DERL1: variants seen among roughly 807,000 people sequenced by gnomAD.
DERL1 encodes derlin-1.
Under a neutral mutation model 41.6 loss-of-function variants are expected in DERL1, and 24 were observed. That is an observed-to-expected ratio of 0.58 (90% CI 0.42 to 0.81). The LOEUF is 0.81. DERL1 is among the 30% of genes least tolerant of loss of function. The pLI, the probability that DERL1 is intolerant of heterozygous loss-of-function variation, is 0.00. For missense variants in DERL1, 260 were observed against 314.3 expected, an observed-to-expected ratio of 0.83 and a Z score of 1.31; for synonymous variants, 124 against 112.5, an observed-to-expected ratio of 1.10 and a Z score of -0.65.
Position 123,042,184 on chromosome 8 carries a change from C to T in DERL1, c.-62G>A. 6.6e-7 allele frequency: 1 copy of T among 1,505,926 alleles called. No individual in the cohort carries two copies. The highest frequency in any genetic ancestry group is 2.0e-5 in the Admixed American group (1 of 49,682). The allele number at this position is 1,505,926 out of a possible 1,614,324, so 93.3% of individuals were successfully genotyped here. The stretch of plus-strand genomic sequence containing the variant: ...CCGACTCCCCGTGCCGACCCCCTCA[C>T]GACGCGGCCGGCTCCGCGACTGTTA... On this transcript the variant is annotated 5_prime_UTR_variant, in exon 1 of 8. In the 5' UTR this introduces an upstream ATG that the reference lacks. Coordinates refer to ENST00000259512, the MANE Select transcript of DERL1 (RefSeq NM_024295.6).
chr8:123,042,041 C>T lies in DERL1; in HGVS notation c.82G>A (p.Val28Ile), dbSNP rs764350174. The T allele has an allele frequency of 6.2e-7, 1 of 1,613,954 alleles. No individual in the cohort carries two copies. The highest frequency in any genetic ancestry group is 8.5e-7 in the Non-Finnish European group (1 of 1,179,914). ...GGGCTGATGAGGCCGAGTTTGCCGA[C>T]CAAGGGCACGGCGACGGTGGCGGCG... The part of the protein sequence containing the change: ...WFAATVAVPL[V>I]GKLGLISPAY... Residue 28 changes from valine to isoleucine, a missense_variant, in exon 1 of 8, where the codon GTC becomes ATC. Transcript: ENST00000259512.
chr8:123,033,052 G>A (rs938463790), intron 1 of DERL1, among the ~76,000 whole-genome samples: 15 of 151,320 alleles, frequency 9.9e-5, no homozygotes, highest in African/African-American at 2.9e-4. Flanking sequence ...TTTTTGAGAC[G>A]GGCTCTTCCT....
chr8:123,035,751 C>T (rs919481244), intron 1 of DERL1, among the ~76,000 whole-genome samples: 2 of 152,192 alleles, frequency 1.3e-5, no homozygotes, highest in Non-Finnish European at 2.9e-5. Flanking sequence ...GACATTGTTC[C>T]TCAGTTATTA....
chr8:123,027,475 T>C (rs1268202204), intron 2 of DERL1, among the ~76,000 whole-genome samples: 2 of 152,028 alleles, frequency 1.3e-5, no homozygotes, highest in East Asian at 3.9e-4. Flanking sequence ...AACCAATGAA[T>C]TGTGTATACT....
chr8:123,031,981 G>A (rs1812825631), intron 1 of DERL1, among the ~76,000 whole-genome samples: 1 of 152,092 alleles, frequency 6.6e-6, no homozygotes, highest in Admixed American at 6.5e-5. Context: ...AAAAGTAGAT[G>A]AATCCTGTCT....
chr8:123,024,672 G>A (rs550132097), intron 3 of DERL1, among the ~76,000 whole-genome samples: 2 of 152,172 alleles, frequency 1.3e-5, no homozygotes, highest in African/African-American at 4.8e-5. Context: ...CTCATGGCAC[G>A]GACTCTCTTT....
intron 7 of DERL1, chr8:123,016,849 G>GT (rs144597674): frequency 0.11 from 16,006 of 150,702 alleles, 871 homozygotes; most frequent in Middle Eastern, 0.14. Context: ...TTGTTTTTTT[G>GT]TTTTTTTTTG....
chr8:123,022,506 C>T (rs573586106), intron 5 of DERL1, among the ~76,000 whole-genome samples, 178 bp downstream of exon 5: 7 of 152,076 alleles, frequency 4.6e-5, no homozygotes, highest in Non-Finnish European at 4.4e-5. Context: ...AGGCCAGCAA[C>T]GGACTCCAGG....
At position 123,015,581 on chromosome 8, in the gene DERL1, G is replaced by T. The variant is rs765021552; in HGVS notation, c.622C>A (p.Arg208Ser). ...CCTCCTCTCCTACTGGGCAGCCAGCGGTACCTGGTGCAGAAAGACGGGGAC... is the reference window on the plus strand; with the variant it reads ...CCTCCTCTCCTACTGGGCAGCCAGCTGTACCTGGTGCAGAAAGACGGGGAC... ...NFLSTPQFLY[R>S]WLPSRRGGVS... Residue 208 changes from arginine to serine, a missense_variant, in exon 8 of 8, where the codon CGC becomes AGC. Physicochemically the swap from Arg to Ser is moderately radical, Grantham distance 110. Coordinates refer to ENST00000259512, the MANE Select transcript of DERL1 (RefSeq NM_024295.6). The T allele has an allele frequency of 6.2e-7, 1 of 1,607,882 alleles. No individual in the cohort carries two copies.
rs941377645 is a variant in DERL1 at position 123,023,869 on chromosome 8, G to A, written c.331-130C>T. On this transcript the variant is annotated intron_variant, in intron 3 of 7. Coordinates refer to ENST00000259512, the MANE Select transcript of DERL1 (RefSeq NM_024295.6). ...AATTTGGCTCATGCTTGTAATCTCT[G>A]TACTTTGGAAGGCCAAGATGGGAGG... 3.4e-5 allele frequency: 34 copies of A among 1,006,466 alleles called. No individual in the cohort carries two copies. In the African/African-American group the frequency reaches 5.3e-4, roughly 16 times the overall value. The allele number at this position is 1,006,466 out of a possible 1,614,324, so 62.3% of individuals were successfully genotyped here.
chr8:123,021,908 C>G (rs1251322775), intron 5 of DERL1, among the ~76,000 whole-genome samples: 1 of 152,152 alleles, frequency 6.6e-6, no homozygotes, highest in Non-Finnish European at 1.5e-5. Context: ...TTAGGTTCTT[C>G]TTTTACATAT....
chr8:123,019,510 C>A (rs1004944779), intron 6 of DERL1, among the ~76,000 whole-genome samples: 3 of 152,138 alleles, frequency 2.0e-5, no homozygotes, highest in Non-Finnish European at 2.9e-5. Flanking sequence ...ACCAATGAGG[C>A]CTGCCACTCT....
At chr8:123,032,649 A>G (rs554788499) in intron 1 of DERL1, among the ~76,000 whole-genome samples, 2 of 152,304 alleles carry the variant, frequency 1.3e-5, no homozygotes, top group East Asian at 3.8e-4. Context: ...AGGTGCATCC[A>G]AGGAATGAGG....
chr8:123,022,350 T>C (rs1259771272), intron 5 of DERL1, among the ~76,000 whole-genome samples: 3 of 152,166 alleles, frequency 2.0e-5, no homozygotes, highest in African/African-American at 7.2e-5. Context: ...ATAAAGCAAA[T>C]AACAGGGAAC....
At position 123,013,409 on chromosome 8, in the gene DERL1, A is replaced by T. The variant is rs1325452158; in HGVS notation, c.*2038T>A. ...AAAAGGATTAGTTTACAAAAAGGGA[A>T]GTCCTTTATACAAAATAAGGATTTT... On this transcript the variant is annotated 3_prime_UTR_variant, in exon 8 of 8. Coordinates refer to ENST00000259512, the MANE Select transcript of DERL1 (RefSeq NM_024295.6). The T allele has an allele frequency of 6.6e-6, 1 of 152,058 alleles. No individual in the cohort carries two copies. Among genetic ancestry groups the T allele is most frequent in the Admixed American group, 6.6e-5 (1 of 15,256 alleles). 9.4% of individuals were successfully genotyped at this position (152,058 alleles called of 1,614,324 possible).
Position 123,037,250 on chromosome 8 carries a change from C to T in DERL1, c.153+4720G>A, listed in dbSNP as rs1812947068. 2.0e-5 allele frequency among the ~76,000 whole-genome samples: 3 copies of T among 152,126 alleles called. No homozygotes were observed. In the South Asian group the frequency reaches 6.2e-4, roughly 32 times the overall value. ...TACAAACATTTTTCTATGTGTTCTA[C>T]ATACTAGAGGCAAGAAGTAGATAAC... On this transcript the variant is annotated intron_variant, in intron 1 of 7. Transcript: ENST00000259512.
intron 7 of DERL1, chr8:123,017,418 C>G (rs1814605517): frequency 6.6e-6 from 1 of 152,148 alleles, no homozygotes; most frequent in African/African-American, 2.4e-5. Context: ...CTAGGGCTGT[C>G]TTGCTTTGCT....
At chr8:123,032,244 C>T (rs908185201) in intron 1 of DERL1, among the ~76,000 whole-genome samples, 1 of 151,874 alleles carries the variant, frequency 6.6e-6, no homozygotes, top group Non-Finnish European at 1.5e-5. Context: ...AGGTGATTCT[C>T]CCACCTCAGC....
chr8:123,040,083 G>A (rs1038331391), intron 1 of DERL1, among the ~76,000 whole-genome samples: 7 of 152,166 alleles, frequency 4.6e-5, no homozygotes, highest in African/African-American at 1.7e-4. Flanking sequence ...TGGGCATGGT[G>A]GTGTGCACCT....
Sources: allele counts gnomAD v4.1 joint callset (sites outside exome capture counted in the v4.1 genomes callset), GRCh38; gene constraint gnomAD v4.1.1; transcripts MANE v1.5; gene names NCBI Gene and HGNC (gene_info 2026-07-23, HGNC 2026-07-21).